Variants in IQCM observed in about 807,000 individuals in gnomAD.
The protein encoded by IQCM is IQ domain-containing protein M.
Under a neutral mutation model 57.6 loss-of-function variants are expected in IQCM, and 45 were observed. The observed-to-expected ratio is 0.78, with a 90% CI of 0.62 to 1.00. The LOEUF is 1.00. Among genes scored for constraint, IQCM ranks in the 50% least tolerant of loss-of-function variants. The probability of loss-of-function intolerance (pLI) is 0.00; values close to 1 mark genes in which losing one functional copy is unlikely to be tolerated. For missense variants in IQCM, 468 were observed against 511.6 expected, an observed-to-expected ratio of 0.91 and a Z score of 0.82; for synonymous variants, 148 against 158.9, an observed-to-expected ratio of 0.93 and a Z score of 0.51.
At chr4:149,798,185 T>G (rs1439905169) in intron 2 of IQCM, among the ~76,000 whole-genome samples, 1 of 151,946 alleles carries the variant, frequency 6.6e-6, no homozygotes, top group Admixed American at 6.6e-5. Context: ...AGAAAAAAGT[T>G]AAAAAGTAGG....
chr4:149,615,521 A>G lies in IQCM; in HGVS notation c.681+5608T>C, dbSNP rs74419982. 3.9e-4 allele frequency among the ~76,000 whole-genome samples: 60 copies of G among 152,312 alleles called. No homozygotes were observed. In the East Asian group the frequency reaches 0.012, roughly 29 times the overall value. ...CTGGAAATTCTAATATAATTCTAAT[A>G]CAATAAACATGTGGTTGCAGAAGTG... On this transcript the variant is annotated intron_variant, in intron 8 of 13. Transcript: ENST00000636793.
At chr4:149,495,067 A>C (rs915020781) in intron 12 of IQCM, among the ~76,000 whole-genome samples, 6 of 152,044 alleles carry the variant, frequency 3.9e-5, no homozygotes, top group African/African-American at 1.2e-4. Context: ...AGAGATAAAG[A>C]GCCCCAGGTT....
At chr4:149,673,919 G>A (rs1423669004) in intron 7 of IQCM, among the ~76,000 whole-genome samples, 1 of 152,078 alleles carries the variant, frequency 6.6e-6, no homozygotes, top group East Asian at 1.9e-4. Context: ...AAATACGTAT[G>A]AGCCATGAAA....
intron 4 of IQCM, 93 bp from the exon 5 acceptor site, chr4:149,733,601 T>A: frequency 1.7e-6 from 1 of 587,572 alleles, no homozygotes; most frequent in Non-Finnish European, 2.5e-6. Context: ...GTTCATGAAA[T>A]TGCACCTCTA....
intron 12 of IQCM, among the ~76,000 whole-genome samples, chr4:149,506,672 GGTA>G (rs1298597795): frequency 6.6e-6 from 1 of 152,194 alleles, no homozygotes; most frequent in Non-Finnish European, 1.5e-5. Flanking sequence ...GGTTGCTGGA[GGTA>G]GTAGTGTTTC....
rs558092720 is a variant in IQCM, at chr4:149,645,525, G to A, written c.566-24281C>T. On this transcript the variant is annotated intron_variant, in intron 7 of 13. Transcript: ENST00000636793. ...AACCAGAACATTTCAAGCAATCCAGGAGCCCCTCTGATGCTCCCCTTAAAT... is the reference window on the plus strand; with the variant it reads ...AACCAGAACATTTCAAGCAATCCAGAAGCCCCTCTGATGCTCCCCTTAAAT... Among the ~76,000 whole-genome samples, 210 of 152,230 alleles carry A rather than the reference G, an allele frequency of 1.4e-3. 1 individual carries two copies. Among genetic ancestry groups the A allele is most frequent in the Non-Finnish European group, 2.3e-3 (158 of 68,016 alleles).
intron 8 of IQCM, among the ~76,000 whole-genome samples, chr4:149,613,259 G>T (rs868830912): frequency 6.6e-6 from 1 of 151,976 alleles, no homozygotes; most frequent in Non-Finnish European, 1.5e-5. Context: ...AGAAAAAAAT[G>T]AGCAAATATG....
intron 11 of IQCM, among the ~76,000 whole-genome samples, chr4:149,552,313 A>G (rs556046347): frequency 1.7e-3 from 252 of 152,278 alleles, no homozygotes; most frequent in Non-Finnish European, 2.8e-3. Context: ...TAAAATAAAT[A>G]CTGTATGACT....
At chr4:149,486,677 T>C (rs774375290) in intron 12 of IQCM, among the ~76,000 whole-genome samples, 5 of 151,834 alleles carry the variant, frequency 3.3e-5, no homozygotes, top group Non-Finnish European at 7.4e-5. Context: ...ACCCAGGAGG[T>C]GGAGGTTGCA....
intron 8 of IQCM, among the ~76,000 whole-genome samples, chr4:149,619,321 C>T (rs925336946): frequency 6.6e-6 from 1 of 151,794 alleles, no homozygotes; most frequent in Non-Finnish European, 1.5e-5. Context: ...ACTGGAGATG[C>T]TAATAGGTGG....
At chr4:149,513,450 A>G (rs773764737) in intron 12 of IQCM, among the ~76,000 whole-genome samples, 1 of 152,194 alleles carries the variant, frequency 6.6e-6, no homozygotes, top group African/African-American at 2.4e-5. Flanking sequence ...GACCACATTT[A>G]TCCATTTAGT....
intron 12 of IQCM, among the ~76,000 whole-genome samples, chr4:149,495,097 G>A (rs1742515624): frequency 6.6e-6 from 1 of 152,076 alleles, no homozygotes; most frequent in Admixed American, 6.6e-5. Context: ...GCATATGAAA[G>A]GGTGACAGTG....
At chr4:149,549,542 CA>C (rs1748817826) in intron 11 of IQCM, among the ~76,000 whole-genome samples, 1 of 152,062 alleles carries the variant, frequency 6.6e-6, no homozygotes, top group African/African-American at 2.4e-5. Flanking sequence ...TTGATGCATA[CA>C]TTTTATAAGT....
At chr4:149,787,853 A>G (rs2150022923) in intron 2 of IQCM, among the ~76,000 whole-genome samples, 2 of 152,284 alleles carry the variant, frequency 1.3e-5, no homozygotes, top group South Asian at 4.1e-4. Flanking sequence ...TAAAGTAAAA[A>G]GCTTCTGCAC....
At chr4:149,744,045 C>G (rs1017630702) in intron 2 of IQCM, among the ~76,000 whole-genome samples, 2 of 152,172 alleles carry the variant, frequency 1.3e-5, no homozygotes, top group Non-Finnish European at 2.9e-5. Flanking sequence ...TTCAGTAAAT[C>G]TGTAAGCCAG....
At chr4:149,423,622 G>A (rs1734266795) in intron 13 of IQCM, among the ~76,000 whole-genome samples, 2 of 151,966 alleles carry the variant, frequency 1.3e-5, no homozygotes, top group Admixed American at 1.3e-4. Flanking sequence ...GCAGAACAAC[G>A]GAGCACTCAC....
chr4:149,752,327 G>A (rs1768528174), intron 2 of IQCM, among the ~76,000 whole-genome samples: 1 of 152,122 alleles, frequency 6.6e-6, no homozygotes, highest in Non-Finnish European at 1.5e-5. Context: ...TGAGGAAGGT[G>A]GATCACCTGA....
intron 10 of IQCM, among the ~76,000 whole-genome samples, chr4:149,557,050 T>C (rs1295467826): frequency 6.6e-6 from 1 of 152,200 alleles, no homozygotes; most frequent in Non-Finnish European, 1.5e-5. Flanking sequence ...CCCAGTGTAC[T>C]CTGAAAAATA....
intron 12 of IQCM, among the ~76,000 whole-genome samples, chr4:149,468,022 G>A (rs1345771582): frequency 6.6e-6 from 1 of 152,170 alleles, no homozygotes; most frequent in Non-Finnish European, 1.5e-5. Context: ...GCTAGGGGGA[G>A]GCTCCAAGAT....
Sources: gnomAD v4.1 joint callset for allele counts (sites outside exome capture counted in the v4.1 genomes callset) on GRCh38, gnomAD v4.1.1 for gene constraint, MANE v1.5 for transcripts, NCBI Gene and HGNC (gene_info 2026-07-23, HGNC 2026-07-21) for gene names.